Variants in SLC35E3 observed in about 807,000 individuals in gnomAD.
SLC35E3 encodes the protein bladder cancer-overexpressed gene 1 protein.
Under a neutral mutation model 30.8 loss-of-function variants are expected in SLC35E3, and 28 were observed. The ratio of observed to expected loss-of-function variants is 0.91; its 90% CI spans 0.67 to 1.25. The LOEUF (loss-of-function observed/expected upper bound fraction) is 1.25, where lower values mean the gene tolerates loss of function less well. SLC35E3 is among the 50% of genes most tolerant of loss of function. SLC35E3 has a pLI of 0.00. For synonymous variants in SLC35E3, 146 were observed against 149.2 expected (o/e 0.98, Z 0.16); for missense variants, 365 against 375.4 (o/e 0.97, Z 0.23).
At chr12:68,750,376 G>A (rs1878744186) in intron 2 of SLC35E3, among the ~76,000 whole-genome samples, 1 of 152,244 alleles carries the variant, frequency 6.6e-6, no homozygotes, top group African/African-American at 2.4e-5. Flanking sequence ...ATCAGTCAGG[G>A]CGATGAAAGA....
chr12:68,749,806 G>C (rs576184538), intron 2 of SLC35E3, among the ~76,000 whole-genome samples: 1 of 152,348 alleles, frequency 6.6e-6, no homozygotes, highest in South Asian at 2.1e-4. Context: ...AGGCTAGGCA[G>C]TAGGTGCATT....
chr12:68,770,868 G>T lies in SLC35E3; in HGVS notation c.*5978G>T, dbSNP rs374629330. ...AAAAAATCACACATGTCTGATTTGC[G>T]CAGCTTGATAGAGAATGGTGCCATT... On this transcript the variant is annotated 3_prime_UTR_variant, in exon 5 of 5. Transcript: ENST00000398004. 2.0e-4 allele frequency: 33 copies of T among 166,788 alleles called. No individual in the cohort carries two copies. Among genetic ancestry groups the T allele is most frequent in the African/African-American group, 7.4e-4 (31 of 41,634 alleles). The allele number at this position is 166,788 out of a possible 1,614,324, so 10.3% of individuals were successfully genotyped here.
chr12:68,771,813 T>G lies in SLC35E3; in HGVS notation c.*6923T>G, dbSNP rs1416102172. 1 of 152,308 alleles carries G rather than the reference T, an allele frequency of 6.6e-6. No homozygotes were observed. The highest frequency in any genetic ancestry group is 1.5e-5 in the Non-Finnish European group (1 of 68,106). The allele number at this position is 152,308 out of a possible 1,614,324, so 9.4% of individuals were successfully genotyped here. Reference sequence around the variant, plus strand: ...ACTCTGCCATTCACTGGTATAGCCTTTGGCAAAGCCTTTGGGCAGCTTGCT... The same window carrying G: ...ACTCTGCCATTCACTGGTATAGCCTGTGGCAAAGCCTTTGGGCAGCTTGCT... On this transcript the variant is annotated 3_prime_UTR_variant, in exon 5 of 5. Coordinates refer to ENST00000398004, the MANE Select transcript of SLC35E3 (RefSeq NM_018656.5).
rs1879585075 is a variant in SLC35E3 at position 68,770,875 on chromosome 12, G to A, written c.*5985G>A. 5 of 172,554 alleles carry A rather than the reference G, an allele frequency of 2.9e-5. No individual in the cohort carries two copies. The South Asian group carries it at 6.1e-4, about 21-fold the overall frequency. The allele number at this position is 172,554 out of a possible 1,614,324, so 10.7% of individuals were successfully genotyped here. A position where few individuals can be genotyped will look rare whatever the true frequency, so the allele number is the denominator to read the frequency against. ...CACACATGTCTGATTTGCGCAGCTT[G>A]ATAGAGAATGGTGCCATTCTCTGAA... On this transcript the variant is annotated 3_prime_UTR_variant, in exon 5 of 5. Transcript: ENST00000398004.
Position 68,773,187 on chromosome 12 carries a change from G to A in SLC35E3, c.*8297G>A, listed in dbSNP as rs1879652793. 1 of 152,170 alleles carries A rather than the reference G, an allele frequency of 6.6e-6. No individual in the cohort carries two copies. Among genetic ancestry groups the A allele is most frequent in the South Asian group, 2.1e-4 (1 of 4,830 alleles). The allele number at this position is 152,170 out of a possible 1,614,324, so 9.4% of individuals were successfully genotyped here. A position where few individuals can be genotyped will look rare whatever the true frequency, so the allele number is the denominator to read the frequency against. On this transcript the variant is annotated 3_prime_UTR_variant, in exon 5 of 5. Transcript: ENST00000398004. ...ATAAAGTGTCGTCTTGGAGTCTGTT[G>A]TACATTTAAGAATAAACTTTTGTAA...
At chr12:68,764,595 T>G in intron 4 of SLC35E3, 109 bp from the exon 5 acceptor site, 1 of 1,013,978 alleles carries the variant, frequency 9.9e-7, no homozygotes, top group Non-Finnish European at 1.4e-6. Context: ...GTCCCATTGT[T>G]CTTTACATCT....
At position 68,771,967 on chromosome 12, in the gene SLC35E3, C is replaced by A. The variant is rs986573736; in HGVS notation, c.*7077C>A. Reference sequence around the variant, plus strand: ...GATTAAAATTATAATTTCTCATTTGCTTATAATAAAAGTAGATTGAATAAA... The same window carrying A: ...GATTAAAATTATAATTTCTCATTTGATTATAATAAAAGTAGATTGAATAAA... On this transcript the variant is annotated 3_prime_UTR_variant, in exon 5 of 5. Transcript: ENST00000398004. 2 of 152,136 alleles carry A rather than the reference C, an allele frequency of 1.3e-5. No homozygotes were observed. Among genetic ancestry groups the A allele is most frequent in the African/African-American group, 4.8e-5 (2 of 41,426 alleles). 9.4% of individuals were successfully genotyped at this position (152,136 alleles called of 1,614,324 possible). A position where few individuals can be genotyped will look rare whatever the true frequency, so the allele number is the denominator to read the frequency against.
intron 4 of SLC35E3, among the ~76,000 whole-genome samples, chr12:68,763,549 C>T (rs897377761): frequency 6.6e-6 from 1 of 152,002 alleles, no homozygotes; most frequent in Admixed American, 6.6e-5. Context: ...ACCACCACGC[C>T]CGGCTAATTT....
Position 68,746,995 on chromosome 12 carries a change from T to A in SLC35E3, c.402+216T>A, listed in dbSNP as rs573179055. ...CATGTGTGAATTTTAGTAGCTGCCA[T>A]TTGATGGAAATCGTTAAATGCTGTG... On this transcript the variant is annotated intron_variant, in intron 1 of 4. Transcript: ENST00000398004. 4.9e-4 allele frequency among the ~76,000 whole-genome samples: 75 copies of A among 152,170 alleles called. 2 individuals are homozygous for A. In the South Asian group the frequency reaches 0.016, roughly 31 times the overall value.
Position 68,766,436 on chromosome 12 carries a change from A to C in SLC35E3, c.*1546A>C, listed in dbSNP as rs1314140167. 6.3e-6 allele frequency: 1 copy of C among 159,388 alleles called. No individual in the cohort carries two copies. Among genetic ancestry groups the C allele is most frequent in the Non-Finnish European group, 1.4e-5 (1 of 73,484 alleles). The allele number at this position is 159,388 out of a possible 1,614,324, so 9.9% of individuals were successfully genotyped here. Reference sequence around the variant, plus strand: ...AGGAGGCAGAGGTTGTGGTGAGCCGAGATCATGCCATTGCTCTCCAGCCTG... The same window carrying C: ...AGGAGGCAGAGGTTGTGGTGAGCCGCGATCATGCCATTGCTCTCCAGCCTG... On this transcript the variant is annotated 3_prime_UTR_variant, in exon 5 of 5. Coordinates refer to ENST00000398004, the MANE Select transcript of SLC35E3 (RefSeq NM_018656.5).
chr12:68,756,771 G>A (rs1266094556), intron 3 of SLC35E3, among the ~76,000 whole-genome samples: 1 of 152,208 alleles, frequency 6.6e-6, no homozygotes, highest in Non-Finnish European at 1.5e-5. Flanking sequence ...GGAGGTCAGG[G>A]CGGGCGGATC....
chr12:68,757,724 C>T (rs74836439), intron 3 of SLC35E3, among the ~76,000 whole-genome samples: 2,671 of 152,274 alleles, frequency 0.018, 76 homozygotes, highest in African/African-American at 0.061. Flanking sequence ...GAACTTTGTA[C>T]ATACTGCGTT....
Position 68,772,029 on chromosome 12 carries a change from T to C in SLC35E3, c.*7139T>C, listed in dbSNP as rs1174322081. On this transcript the variant is annotated 3_prime_UTR_variant, in exon 5 of 5. Coordinates refer to ENST00000398004, the MANE Select transcript of SLC35E3 (RefSeq NM_018656.5). ...GGTTTGGTTTGTTTGACCTTTTTTTTAATTTTAATTTTTATTTTTTATTTT... is the reference window on the plus strand; with the variant it reads ...GGTTTGGTTTGTTTGACCTTTTTTTCAATTTTAATTTTTATTTTTTATTTT... 1.3e-5 allele frequency: 2 copies of C among 152,138 alleles called. No homozygotes were observed. The highest frequency in any genetic ancestry group is 4.8e-5 in the African/African-American group (2 of 41,438). The allele number at this position is 152,138 out of a possible 1,614,324, so 9.4% of individuals were successfully genotyped here.
Position 68,765,648 on chromosome 12 carries a change from G to A in SLC35E3, c.*758G>A, listed in dbSNP as rs942091317. On this transcript the variant is annotated 3_prime_UTR_variant, in exon 5 of 5. Coordinates refer to ENST00000398004, the MANE Select transcript of SLC35E3 (RefSeq NM_018656.5). ...TATATATATATATGTGTGTGTGTGT[G>A]TGTGTATACATATATACACATATAT... 6.6e-6 allele frequency: 1 copy of A among 150,384 alleles called. No homozygotes were observed. The highest frequency in any genetic ancestry group is 1.5e-5 in the Non-Finnish European group (1 of 67,782). The allele number at this position is 150,384 out of a possible 1,614,324, so 9.3% of individuals were successfully genotyped here. A position where few individuals can be genotyped will look rare whatever the true frequency, so the allele number is the denominator to read the frequency against.
intron 3 of SLC35E3, among the ~76,000 whole-genome samples, chr12:68,758,599 A>G (rs79509274): frequency 0.019 from 2,892 of 152,166 alleles, 95 homozygotes; most frequent in African/African-American, 0.065. Flanking sequence ...GGAAATTCAC[A>G]ATCACAGAAA....
chr12:68,756,052 C>T (rs116623153), intron 3 of SLC35E3, among the ~76,000 whole-genome samples: 2,628 of 152,214 alleles, frequency 0.017, 72 homozygotes, highest in African/African-American at 0.06. Context: ...TCCAGTGCTC[C>T]GCTCTGCTTC....
rs574766640 is a variant in SLC35E3 at position 68,768,794 on chromosome 12, A to G, written c.*3904A>G. ...GGCCTGTCCAAATAAGCAGAAATGA[A>G]TGAAACAAAATTCCATCTCCTTTTA... On this transcript the variant is annotated 3_prime_UTR_variant, in exon 5 of 5. Transcript: ENST00000398004. The G allele has an allele frequency of 2.1e-4, 32 of 152,376 alleles. No homozygotes were observed. In the South Asian group the frequency reaches 6.4e-3, roughly 31 times the overall value. 9.4% of individuals were successfully genotyped at this position (152,376 alleles called of 1,614,324 possible).
chr12:68,760,725 T>C (rs530302794), intron 4 of SLC35E3, among the ~76,000 whole-genome samples: 2 of 152,338 alleles, frequency 1.3e-5, no homozygotes, highest in African/African-American at 2.4e-5. Flanking sequence ...AATATTTATA[T>C]ACTGAACATC....
At chr12:68,756,936 A>G (rs1217341183) in intron 3 of SLC35E3, among the ~76,000 whole-genome samples, 9 of 152,182 alleles carry the variant, frequency 5.9e-5, no homozygotes, top group African/African-American at 1.9e-4. Flanking sequence ...AATGGCGTGA[A>G]CCCGCGAGGC....
Sources: gnomAD v4.1 joint callset for allele counts (sites outside exome capture counted in the v4.1 genomes callset) on GRCh38, gnomAD v4.1.1 for gene constraint, MANE v1.5 for transcripts, NCBI Gene and HGNC (gene_info 2026-07-23, HGNC 2026-07-21) for gene names.